The following GABRR2 variants were observed in gnomAD, a reference collection of about 807,000 sequenced individuals.
GABRR2 encodes the protein gamma-aminobutyric acid type A receptor subunit rho2.
GABRR2 carries 36 observed loss-of-function variants against 47.0 expected under a neutral mutation model. The ratio of observed to expected loss-of-function variants is 0.77; its 90% CI spans 0.59 to 1.01. GABRR2 has a LOEUF of 1.01. GABRR2 is among the 50% of genes least tolerant of loss of function. The pLI is 0.00. For synonymous variants in GABRR2, 204 were observed against 227.5 expected, an observed-to-expected ratio of 0.90 and a Z score of 0.93; for missense variants, 587 against 594.6, an observed-to-expected ratio of 0.99 and a Z score of 0.13.
At chr6:89,258,136 C>T (rs282128) in intron 8 of GABRR2, among the ~76,000 whole-genome samples, 155 bp from the exon 9 acceptor site, 67,604 of 152,084 alleles carry the variant, frequency 0.44, 15,522 homozygotes, top group African/African-American at 0.53. Context: ...GATCCTCTAC[C>T]GTGGCTGCAT....
rs770442367 is a variant in GABRR2 at position 89,265,687 on chromosome 6, G to A, written c.815C>T (p.Ala272Val). ...FFFLLQTYFPATLMVMLSWVS... is the reference protein window; with the variant it reads ...FFFLLQTYFPVTLMVMLSWVS... ...CCAGGACAGCATGACCATCAGAGTGGCAGGGAAATATGTTTGGAGCAAGAA... is the reference window on the plus strand; with the variant it reads ...CCAGGACAGCATGACCATCAGAGTGACAGGGAAATATGTTTGGAGCAAGAA... The change falls in exon 7 of 9, where the codon GCC (alanine) becomes GTC (valine). Residue 272 changes from alanine (A) to valine (V), a missense_variant. By Grantham distance (64) the Ala-to-Val change is moderately conservative. Transcript: ENST00000402938. The A allele has an allele frequency of 6.2e-6, 10 of 1,614,058 alleles. No individual in the cohort carries two copies. Among genetic ancestry groups the A allele is most frequent in the Non-Finnish European group, 5.9e-6 (7 of 1,180,042 alleles).
At chr6:89,267,946 T>C in intron 5 of GABRR2, 68 bp downstream of exon 5, 3 of 1,580,748 alleles carry the variant, frequency 1.9e-6, no homozygotes, top group Admixed American at 1.7e-5. Context: ...CTCAGTCTCA[T>C]GATTACTAAA....
At chr6:89,292,860 T>TTATATACGATATATCGTATATATCA (rs1562380193) in intron 2 of GABRR2, among the ~76,000 whole-genome samples, 13 of 139,544 alleles carry the variant, frequency 9.3e-5, no homozygotes, top group Non-Finnish European at 2.0e-4. Flanking sequence ...ATATCATATA[T>TTATATACGATATATCGTATATATCA]TATATATCTA....
At chr6:89,259,695 G>C (rs1377158924) in intron 8 of GABRR2, among the ~76,000 whole-genome samples, 3 of 151,504 alleles carry the variant, frequency 2.0e-5, no homozygotes, top group African/African-American at 4.9e-5. Flanking sequence ...GTAGAGACAG[G>C]GTTTCACCAT....
intron 1 of GABRR2, among the ~76,000 whole-genome samples, chr6:89,309,098 A>G (rs539030873): frequency 6.6e-6 from 1 of 152,294 alleles, no homozygotes; most frequent in African/African-American, 2.4e-5. Context: ...AGTAATTCTG[A>G]GAAAACAGCA....
intron 1 of GABRR2, chr6:89,301,888 T>C: frequency 8.7e-7 from 1 of 1,147,086 alleles, no homozygotes; most frequent in Non-Finnish European, 1.3e-6. Flanking sequence ...CAGCGGCAAC[T>C]ACGTGGGGAA....
chr6:89,283,626 T>TA (rs1405977946), intron 2 of GABRR2, among the ~76,000 whole-genome samples: 4 of 152,298 alleles, frequency 2.6e-5, no homozygotes, highest in African/African-American at 7.2e-5. Context: ...TATATATGCA[T>TA]ATTTCATATG....
intron 1 of GABRR2, among the ~76,000 whole-genome samples, chr6:89,310,751 G>A (rs1014051497): frequency 6.6e-6 from 1 of 151,808 alleles, no homozygotes; most frequent in Non-Finnish European, 1.5e-5. Context: ...GGGGGTGGGG[G>A]GTGTGGTGGG....
At chr6:89,274,346 C>T (rs1465307065) in intron 2 of GABRR2, among the ~76,000 whole-genome samples, 1 of 152,178 alleles carries the variant, frequency 6.6e-6, no homozygotes, top group Non-Finnish European at 1.5e-5. Context: ...CTGAGCGCTG[C>T]CTTTGACCTG....
intron 2 of GABRR2, among the ~76,000 whole-genome samples, chr6:89,290,995 C>T (rs981135084): frequency 6.6e-6 from 1 of 152,200 alleles, no homozygotes; most frequent in Non-Finnish European, 1.5e-5. Context: ...TCCGTAAACG[C>T]ACTTTCACTA....
intron 1 of GABRR2, among the ~76,000 whole-genome samples, chr6:89,308,361 G>A (rs1767609080): frequency 1.3e-5 from 2 of 152,106 alleles, no homozygotes; most frequent in Middle Eastern, 3.4e-3. Flanking sequence ...ATGACTGTTC[G>A]GTTTTTCCAT....
At chr6:89,295,348 T>C (rs1774535495) in intron 2 of GABRR2, among the ~76,000 whole-genome samples, 1 of 152,238 alleles carries the variant, frequency 6.6e-6, no homozygotes, top group Non-Finnish European at 1.5e-5. Context: ...TGGTGTGAGA[T>C]GGTCTCTCAT....
chr6:89,299,773 C>G lies in GABRR2; in HGVS notation c.206G>C (p.Arg69Thr), dbSNP rs1159836647. The G allele has an allele frequency of 3.7e-6, 6 of 1,613,466 alleles. No homozygotes were observed. The highest frequency in any genetic ancestry group is 2.2e-5 in the East Asian group (1 of 44,888). Residue 69 changes from arginine (R) to threonine (T), a missense_variant, in exon 2 of 9, where the codon AGA (arginine) becomes ACA (threonine). By Grantham distance (71) the Arg-to-Thr change is moderately conservative (BLOSUM62 -1). Transcript: ENST00000402938. ...LRVDEHDFSM[R>T]PAFGGPAIPV... The stretch of plus-strand genomic sequence containing the variant: ...AACAGTCCTACCTCCGAAGGCGGGT[C>G]TCATGCTGAAGTCGTGCTCGTCCAC...
intron 1 of GABRR2, among the ~76,000 whole-genome samples, chr6:89,309,933 C>T (rs977105572): frequency 1.1e-4 from 16 of 149,594 alleles, no homozygotes; most frequent in Non-Finnish European, 8.8e-5. Flanking sequence ...CACATGCCAC[C>T]GTGCCTGGCT....
At chr6:89,300,782 A>T (rs4707537) in intron 1 of GABRR2, among the ~76,000 whole-genome samples, 9 of 141,622 alleles carry the variant, frequency 6.4e-5, no homozygotes, top group South Asian at 4.5e-4. Flanking sequence ...AGGACCTGAT[A>T]TATTCACAGC....
intron 1 of GABRR2, among the ~76,000 whole-genome samples, chr6:89,308,642 C>T (rs6454752): frequency 0.24 from 36,305 of 152,044 alleles, 4,452 homozygotes; most frequent in African/African-American, 0.27. Context: ...TCTCACTGCC[C>T]CAGACCTCCC....
intron 2 of GABRR2, among the ~76,000 whole-genome samples, chr6:89,275,325 G>A (rs1774139113): frequency 6.6e-6 from 1 of 152,144 alleles, no homozygotes; most frequent in Non-Finnish European, 1.5e-5. Flanking sequence ...CCAGGCTGGA[G>A]TGCAGTGGCA....
At chr6:89,294,184 G>A (rs959797098) in intron 2 of GABRR2, among the ~76,000 whole-genome samples, 1 of 152,116 alleles carries the variant, frequency 6.6e-6, no homozygotes, top group African/African-American at 2.4e-5. Context: ...CTCACTCGTC[G>A]CCCAGGCTGG....
chr6:89,259,880 TC>T (rs1773703977), intron 8 of GABRR2, among the ~76,000 whole-genome samples: 4 of 100,022 alleles, frequency 4.0e-5, no homozygotes, highest in African/African-American at 2.3e-4. Flanking sequence ...CATCTCTCTC[TC>T]TCTTTTTTTT....
Sources: gnomAD v4.1 joint callset for allele counts (sites outside exome capture counted in the v4.1 genomes callset) on GRCh38, gnomAD v4.1.1 for gene constraint, MANE v1.5 for transcripts, NCBI Gene and HGNC (gene_info 2026-07-23, HGNC 2026-07-21) for gene names.